The following ASCC3 variants were observed in gnomAD, a reference collection of about 807,000 sequenced individuals.
The protein encoded by ASCC3 is activating signal cointegrator 1 complex subunit 3.
ASCC3 carries 158 observed loss-of-function variants against 256.3 expected under a neutral mutation model. That is an observed-to-expected ratio of 0.62 (90% CI 0.54 to 0.70). ASCC3 has a LOEUF of 0.70. ASCC3 is among the 30% of genes least tolerant of loss of function. ASCC3 has a pLI of 0.00. For missense variants in ASCC3, 2,259 were observed against 2,626.0 expected, an observed-to-expected ratio of 0.86 and a Z score of 3.05; for synonymous variants, 948 against 883.4, an observed-to-expected ratio of 1.07 and a Z score of -1.30.
chr6:100,644,845 G>T (rs1480436045), intron 22 of ASCC3, among the ~76,000 whole-genome samples: 1 of 152,176 alleles, frequency 6.6e-6, no homozygotes, highest in African/African-American at 2.4e-5. Context: ...GTGGGGATGT[G>T]TTTCCCATGC....
intron 13 of ASCC3, among the ~76,000 whole-genome samples, chr6:100,705,383 CA>C (rs1324200985): frequency 2.0e-5 from 3 of 151,868 alleles, no homozygotes; most frequent in Non-Finnish European, 4.4e-5. Flanking sequence ...TGTTTTAATC[CA>C]AATAAGGAGA....
intron 33 of ASCC3, among the ~76,000 whole-genome samples, chr6:100,603,949 C>T (rs971844456): frequency 6.6e-6 from 1 of 151,970 alleles, no homozygotes; most frequent in African/African-American, 2.4e-5. Flanking sequence ...TGTCATAAAA[C>T]AAGCTGGCAA....
intron 14 of ASCC3, among the ~76,000 whole-genome samples, chr6:100,671,379 C>T (rs1776735200): frequency 6.6e-6 from 1 of 152,050 alleles, no homozygotes; most frequent in Non-Finnish European, 1.5e-5. Context: ...CAGAGATATA[C>T]TTTATCTTGT....
chr6:100,676,797 T>G (rs1191767200), intron 14 of ASCC3, among the ~76,000 whole-genome samples: 1 of 152,206 alleles, frequency 6.6e-6, no homozygotes, highest in Non-Finnish European at 1.5e-5. Context: ...AGGAGGATTT[T>G]CTTAATGGAG....
chr6:100,818,771 A>G (rs1313861716), intron 4 of ASCC3, among the ~76,000 whole-genome samples: 1 of 144,098 alleles, frequency 6.9e-6, no homozygotes, highest in East Asian at 2.1e-4. Context: ...AAAAAAAAAA[A>G]AGAAATATAA....
chr6:100,639,818 A>G (rs1157266480), intron 24 of ASCC3, among the ~76,000 whole-genome samples: 1 of 152,176 alleles, frequency 6.6e-6, no homozygotes, highest in Admixed American at 6.5e-5. Context: ...AATTTTCTGA[A>G]GCACTGAAAA....
rs1775612010 is a variant in ASCC3, at chr6:100,650,543, C to A, written c.3247G>T (p.Ala1083Ser). ...FSLISDSAYV[A>S]QNAARIVRAL... is the part of the protein sequence containing the mutation. Reference sequence around the variant, plus strand: ...GAAGGGAATAAGATACTTACCTGTGCAACATATGCAGAATCTGATATAAGG... The same window carrying A: ...GAAGGGAATAAGATACTTACCTGTGAAACATATGCAGAATCTGATATAAGG... Residue 1083 changes from alanine to serine, a missense_variant, in exon 20 of 42, where the codon GCA becomes TCA. Ala to Ser is a moderately conservative substitution (Grantham distance 99). This residue lies in a region of ASCC3 where 1,839 missense variants were observed against 2,206.7 expected (regional missense o/e 0.83). Coordinates refer to ENST00000369162, the MANE Select transcript of ASCC3 (RefSeq NM_006828.4). 2 of 1,612,438 alleles carry A rather than the reference C, an allele frequency of 1.2e-6. No homozygotes were observed. Among genetic ancestry groups the A allele is most frequent in the Non-Finnish European group, 1.7e-6 (2 of 1,178,850 alleles).
chr6:100,528,680 A>G (rs1224348719), intron 37 of ASCC3, among the ~76,000 whole-genome samples: 1 of 152,218 alleles, frequency 6.6e-6, no homozygotes, highest in East Asian at 1.9e-4. Flanking sequence ...AAATAATATA[A>G]AATGAAAGCT....
intron 33 of ASCC3, among the ~76,000 whole-genome samples, chr6:100,604,135 A>G (rs891801148): frequency 1.3e-5 from 2 of 152,114 alleles, no homozygotes; most frequent in African/African-American, 4.8e-5. Context: ...TAGATTTTCT[A>G]TCTTTTTGTG....
rs571909690 is a variant in ASCC3 at position 100,627,135 on chromosome 6, G to A, written c.4642+455C>T. Among the ~76,000 whole-genome samples the A allele has an allele frequency of 1.2e-4, 18 of 152,054 alleles. No individual in the cohort carries two copies. In the South Asian group the frequency reaches 1.7e-3, roughly 14 times the overall value. On this transcript the variant is annotated intron_variant, in intron 29 of 41. Coordinates refer to ENST00000369162, the MANE Select transcript of ASCC3 (RefSeq NM_006828.4). ...AAATAAAACATGTTTCAATAAAATA[G>A]GAGTGCTATTCTTAAATCTTTCCTG...
At chr6:100,567,339 T>G (rs184323229) in intron 36 of ASCC3, among the ~76,000 whole-genome samples, 20 of 152,282 alleles carry the variant, frequency 1.3e-4, no homozygotes, top group Admixed American at 1.1e-3. Context: ...TGGATGGCAT[T>G]CCATGACTAG....
chr6:100,762,691 A>T (rs1781472487), intron 10 of ASCC3, among the ~76,000 whole-genome samples: 1 of 152,156 alleles, frequency 6.6e-6, no homozygotes, highest in Non-Finnish European at 1.5e-5. Flanking sequence ...TAAAATCATA[A>T]CTGCTGCTAT....
At chr6:100,673,206 C>A (rs1776841480) in intron 14 of ASCC3, among the ~76,000 whole-genome samples, 1 of 151,874 alleles carries the variant, frequency 6.6e-6, no homozygotes, top group Non-Finnish European at 1.5e-5. Flanking sequence ...AAAGATAAAT[C>A]TCATCTAAAA....
chr6:100,722,105 C>T (rs1304977652), intron 11 of ASCC3, among the ~76,000 whole-genome samples: 1 of 151,740 alleles, frequency 6.6e-6, no homozygotes, highest in Non-Finnish European at 1.5e-5. Context: ...TTCCCCATTG[C>T]TTATTTTTGT....
chr6:100,537,698 C>T (rs240762), intron 37 of ASCC3, among the ~76,000 whole-genome samples: 103,237 of 151,704 alleles, frequency 0.68, 36,571 homozygotes, highest in African/African-American at 0.88. Context: ...GACCCTCATA[C>T]TCATGTGGGT....
chr6:100,639,848 C>T (rs997513942), intron 24 of ASCC3, among the ~76,000 whole-genome samples: 1 of 152,174 alleles, frequency 6.6e-6, no homozygotes, highest in African/African-American at 2.4e-5. Flanking sequence ...GGAGCGGTGG[C>T]TCAAGCCTGT....
At chr6:100,794,480 G>A (rs1582874090) in intron 8 of ASCC3, among the ~76,000 whole-genome samples, 2 of 151,944 alleles carry the variant, frequency 1.3e-5, no homozygotes, top group Admixed American at 6.6e-5. Context: ...CTTCTTCCTT[G>A]ATCTCTTTAG....
intron 10 of ASCC3, among the ~76,000 whole-genome samples, chr6:100,729,653 G>A (rs1397839317): frequency 1.3e-5 from 2 of 152,042 alleles, no homozygotes; most frequent in Admixed American, 1.3e-4. Flanking sequence ...AAGTCATATT[G>A]ATATCATATT....
chr6:100,867,106 T>A (rs992187986), intron 2 of ASCC3, among the ~76,000 whole-genome samples: 2 of 152,204 alleles, frequency 1.3e-5, no homozygotes, highest in Non-Finnish European at 2.9e-5. Flanking sequence ...AATGTAGTCA[T>A]TGAACCTATA....
Sources: gnomAD v4.1 joint callset for allele counts (sites outside exome capture counted in the v4.1 genomes callset) on GRCh38, gnomAD v4.1.1 for gene constraint, gnomAD v4.1.1 regional missense constraint, MANE v1.5 for transcripts, NCBI Gene and HGNC (gene_info 2026-07-23, HGNC 2026-07-21) for gene names.